Variants in FMNL2 observed in about 807,000 individuals in gnomAD.
FMNL2 encodes formin-like protein 2.
FMNL2 carries 51 observed loss-of-function variants against 130.2 expected under a neutral mutation model. The observed-to-expected ratio is 0.39, with a 90% CI of 0.31 to 0.49. The LOEUF is 0.49. FMNL2 is among the 20% of genes least tolerant of loss of function. FMNL2 has a pLI of 0.85. For synonymous variants in FMNL2, 465 were observed against 467.1 expected (o/e 1.00, Z 0.06); for missense variants, 977 against 1,316.2 (o/e 0.74, Z 3.99).
At chr2:152,460,570 C>G (rs1301136984) in intron 1 of FMNL2, among the ~76,000 whole-genome samples, 3 of 152,218 alleles carry the variant, frequency 2.0e-5, no homozygotes, top group Admixed American at 6.5e-5. Flanking sequence ...GGGTCCCCAA[C>G]CCCCGGGCCA....
intron 13 of FMNL2, 92 bp from the exon 14 acceptor site, chr2:152,618,753 CT>C (rs1559013832): frequency 8.8e-6 from 10 of 1,136,020 alleles, no homozygotes; most frequent in Non-Finnish European, 1.2e-5. Flanking sequence ...ATATGAGTAT[CT>C]TTTTTTCTCT....
intron 1 of FMNL2, among the ~76,000 whole-genome samples, chr2:152,384,369 A>G (rs1008405426): frequency 2.0e-5 from 3 of 152,146 alleles, no homozygotes; most frequent in African/African-American, 7.2e-5. Flanking sequence ...GTGGTCTAGC[A>G]GAAGTTTGGG....
At chr2:152,445,788 A>G (rs1197506933) in intron 1 of FMNL2, among the ~76,000 whole-genome samples, 1 of 152,230 alleles carries the variant, frequency 6.6e-6, no homozygotes, top group Non-Finnish European at 1.5e-5. Flanking sequence ...ACTTTGTTCT[A>G]GTATTTAATT....
intron 21 of FMNL2, among the ~76,000 whole-genome samples, chr2:152,634,310 G>A (rs192377549): frequency 2.2e-4 from 34 of 152,308 alleles, no homozygotes; most frequent in African/African-American, 8.2e-4. Context: ...GCACATGCCT[G>A]TACTCCCAGC....
intron 1 of FMNL2, among the ~76,000 whole-genome samples, chr2:152,364,144 G>A (rs559343428): frequency 1.3e-5 from 2 of 151,950 alleles, no homozygotes; most frequent in African/African-American, 4.8e-5. Context: ...AGTTGAGCCA[G>A]AGAAAGCAGA....
intron 24 of FMNL2, 112 bp from the exon 25 acceptor site, chr2:152,640,679 T>C (rs12998222): frequency 0.013 from 16,818 of 1,304,472 alleles, 129 homozygotes; most frequent in Non-Finnish European, 0.015. Flanking sequence ...GATGTGTGTG[T>C]GTTTTTGGCC....
intron 1 of FMNL2, among the ~76,000 whole-genome samples, chr2:152,509,055 TC>T (rs1465760470): frequency 6.6e-6 from 1 of 152,204 alleles, no homozygotes; most frequent in African/African-American, 2.4e-5. Context: ...TCACCATGCT[TC>T]CTTGTTTTAG....
intron 1 of FMNL2, among the ~76,000 whole-genome samples, chr2:152,504,198 A>G (rs1015496959): frequency 6.6e-6 from 1 of 152,098 alleles, no homozygotes; most frequent in African/African-American, 2.4e-5. Context: ...CTCAACAATA[A>G]CAAAAAAGAA....
intron 6 of FMNL2, among the ~76,000 whole-genome samples, chr2:152,568,005 G>GGTT (rs1034718426): frequency 8.5e-5 from 13 of 152,144 alleles, no homozygotes; most frequent in African/African-American, 3.1e-4. Context: ...AGGAAAGCCT[G>GGTT]GTTAGTTCAA....
chr2:152,399,332 G>T (rs1281262530), intron 1 of FMNL2, among the ~76,000 whole-genome samples: 4 of 152,240 alleles, frequency 2.6e-5, no homozygotes, highest in African/African-American at 4.8e-5. Context: ...TGTTTGAAAT[G>T]ATGGTTGAAA....
chr2:152,342,178 T>C (rs1035662034), intron 1 of FMNL2, among the ~76,000 whole-genome samples: 1 of 152,214 alleles, frequency 6.6e-6, no homozygotes, highest in South Asian at 2.1e-4. Context: ...GTGCTCTTCT[T>C]TTTCATATTT....
chr2:152,433,032 G>T (rs1354963920), intron 1 of FMNL2, among the ~76,000 whole-genome samples: 1 of 152,186 alleles, frequency 6.6e-6, no homozygotes, highest in African/African-American at 2.4e-5. Flanking sequence ...TCATGGAGCT[G>T]TTAGCATTAA....
At chr2:152,637,089 G>A (rs1483919468) in intron 22 of FMNL2, among the ~76,000 whole-genome samples, 4 of 152,220 alleles carry the variant, frequency 2.6e-5, no homozygotes, top group African/African-American at 9.6e-5. Flanking sequence ...CTCTGGTTTG[G>A]GGCAATCTTG....
intron 1 of FMNL2, among the ~76,000 whole-genome samples, chr2:152,513,625 G>A (rs1342506705): frequency 6.6e-6 from 1 of 152,170 alleles, no homozygotes; most frequent in African/African-American, 2.4e-5. Flanking sequence ...TTATGGAGGA[G>A]TCATAAGAAA....
chr2:152,362,796 C>T (rs1432567054), intron 1 of FMNL2, among the ~76,000 whole-genome samples: 5 of 152,162 alleles, frequency 3.3e-5, no homozygotes, highest in Admixed American at 3.3e-4. Flanking sequence ...GTCCCAGCAA[C>T]TGATGACTAG....
chr2:152,615,013 C>T lies in FMNL2; in HGVS notation c.1212+13C>T. ...AAACATTTCTCATGTAACTATATCT[C>T]AGAAAAGGAAAAATTGCTTACATTT... On this transcript the variant is annotated intron_variant, in intron 12 of 25. Transcript: ENST00000288670. 1 of 1,603,012 alleles carries T rather than the reference C, an allele frequency of 6.2e-7. No individual in the cohort carries two copies. The highest frequency in any genetic ancestry group is 8.5e-7 in the Non-Finnish European group (1 of 1,177,264).
At chr2:152,579,499 C>A (rs1696659613) in intron 8 of FMNL2, among the ~76,000 whole-genome samples, 1 of 152,162 alleles carries the variant, frequency 6.6e-6, no homozygotes, top group African/African-American at 2.4e-5. Context: ...GGAGTTGCGA[C>A]CAGCCTGGCT....
intron 6 of FMNL2, among the ~76,000 whole-genome samples, chr2:152,573,028 AGGGTGCAT>A (rs1696267372): frequency 6.6e-6 from 1 of 152,202 alleles, no homozygotes; most frequent in Admixed American, 6.5e-5. Context: ...GACATTTCTC[AGGGTGCAT>A]TTATTTAGTG....
intron 1 of FMNL2, among the ~76,000 whole-genome samples, chr2:152,436,810 A>T (rs1687793813): frequency 6.6e-6 from 1 of 152,180 alleles, no homozygotes; most frequent in African/African-American, 2.4e-5. Context: ...TGATAAGTTC[A>T]TAGTATGAAG....
Sources: gnomAD v4.1 joint callset for allele counts (sites outside exome capture counted in the v4.1 genomes callset) on GRCh38, gnomAD v4.1.1 for gene constraint, MANE v1.5 for transcripts, NCBI Gene and HGNC (gene_info 2026-07-23, HGNC 2026-07-21) for gene names.